Variants in SLC39A11 observed in about 807,000 individuals in gnomAD.
SLC39A11 encodes solute carrier family 39 member 11, also known as zinc transporter ZIP11.
Under a neutral mutation model 36.1 loss-of-function variants are expected in SLC39A11, and 33 were observed. That is an observed-to-expected ratio of 0.91 (90% CI 0.69 to 1.22). The LOEUF (loss-of-function observed/expected upper bound fraction) is 1.22. Among genes scored for constraint, SLC39A11 ranks in the 50% most tolerant of loss-of-function variants. The pLI is 0.00. For missense variants in SLC39A11, 432 were observed against 430.3 expected, an observed-to-expected ratio of 1.00 and a Z score of -0.03; for synonymous variants, 166 against 170.3, an observed-to-expected ratio of 0.97 and a Z score of 0.20.
chr17:73,083,350 G>A (rs1267587309), intron 3 of SLC39A11, among the ~76,000 whole-genome samples: 1 of 152,138 alleles, frequency 6.6e-6, no homozygotes, highest in African/African-American at 2.4e-5. Flanking sequence ...CAGTGTTTTT[G>A]ACGGAACAGT....
chr17:72,947,577 G>A (rs1050751218), intron 5 of SLC39A11, 175 bp downstream of exon 5: 1 of 850,742 alleles, frequency 1.2e-6, no homozygotes, highest in Non-Finnish European at 1.9e-6. Flanking sequence ...AAATGAAGGT[G>A]CTGGGCCAGA....
At chr17:72,714,888 T>G (rs910552662) in intron 7 of SLC39A11, among the ~76,000 whole-genome samples, 1 of 152,234 alleles carries the variant, frequency 6.6e-6, no homozygotes, top group Non-Finnish European at 1.5e-5. Flanking sequence ...AAGCTAATAG[T>G]GAGAGGTTCA....
chr17:72,990,870 T>C (rs935707190), intron 4 of SLC39A11, among the ~76,000 whole-genome samples: 3 of 152,230 alleles, frequency 2.0e-5, no homozygotes, highest in Non-Finnish European at 4.4e-5. Flanking sequence ...CCATTACTGT[T>C]ATACAAAGTA....
chr17:73,084,247 G>A (rs909286237), intron 3 of SLC39A11, among the ~76,000 whole-genome samples: 5 of 151,934 alleles, frequency 3.3e-5, no homozygotes, highest in African/African-American at 1.2e-4. Flanking sequence ...AGACCAGCCT[G>A]GGCAACATGG....
chr17:72,736,627 A>G, intron 7 of SLC39A11, 23 bp downstream of exon 7: 1 of 1,610,070 alleles, frequency 6.2e-7, no homozygotes, highest in Admixed American at 1.7e-5. Context: ...ACCATGCTCT[A>G]GGGTCCCAGG....
intron 6 of SLC39A11, among the ~76,000 whole-genome samples, chr17:72,754,045 TACAC>T (rs1383818868): frequency 0.03 from 1,597 of 52,492 alleles, 14 homozygotes; most frequent in African/African-American, 0.043. Flanking sequence ...TATATATATA[TACAC>T]ATACACACAC....
At chr17:72,767,539 A>T (rs867654577) in intron 6 of SLC39A11, among the ~76,000 whole-genome samples, 1 of 152,226 alleles carries the variant, frequency 6.6e-6, no homozygotes, top group Non-Finnish European at 1.5e-5. Flanking sequence ...ACTAAGTGCC[A>T]TGAAGAAAAA....
chr17:73,037,516 A>T (rs996983098), intron 3 of SLC39A11, among the ~76,000 whole-genome samples: 2 of 152,250 alleles, frequency 1.3e-5, no homozygotes, highest in African/African-American at 4.8e-5. Context: ...ACTTCAGGGA[A>T]TACTTTTGCC....
At chr17:73,078,746 C>T (rs564272413) in intron 3 of SLC39A11, among the ~76,000 whole-genome samples, 126 of 152,154 alleles carry the variant, frequency 8.3e-4, no homozygotes, top group African/African-American at 2.7e-3. Context: ...ATCCACTTGC[C>T]TCAGCCTCCC....
Position 73,074,047 on chromosome 17 carries a change from GA to G in SLC39A11, c.147+10760del, listed in dbSNP as rs759340139. Among the ~76,000 whole-genome samples, 904 of 132,028 alleles carry G rather than the reference GA, an allele frequency of 6.8e-3. 2 individuals carry two copies. The highest frequency in any genetic ancestry group is 0.019 in the African/African-American group (693 of 35,988). The allele number at this position is 132,028 out of a possible 152,430, so 86.6% of individuals were successfully genotyped here. On this transcript the variant is annotated intron_variant, in intron 3 of 9. Coordinates refer to ENST00000255559, the MANE Select transcript of SLC39A11 (RefSeq NM_139177.4). ...TCCCTACCTCTCAGGCAGTAAGATG[GA>G]AAAAAAAAAAAAGGTAGCAGCAATT... is the stretch of plus-strand genomic sequence containing the variant.
chr17:72,904,561 C>T (rs1176316451), intron 5 of SLC39A11, among the ~76,000 whole-genome samples: 3 of 152,122 alleles, frequency 2.0e-5, no homozygotes, highest in Admixed American at 2.0e-4. Context: ...AGGGAGGGCT[C>T]GCCTCGCAGC....
intron 6 of SLC39A11, 129 bp from the exon 7 acceptor site, chr17:72,736,848 C>A (rs1477852581): frequency 3.8e-6 from 3 of 790,952 alleles, no homozygotes; most frequent in Non-Finnish European, 6.5e-6. Context: ...GTAACAGCAG[C>A]TTAAACCCAG....
intron 4 of SLC39A11, among the ~76,000 whole-genome samples, chr17:72,979,701 A>G (rs1215139159): frequency 6.6e-6 from 1 of 152,122 alleles, no homozygotes; most frequent in African/African-American, 2.4e-5. Flanking sequence ...CAGAGCTCAC[A>G]CTAACCCACC....
At chr17:72,812,907 G>T (rs2077475805) in intron 6 of SLC39A11, among the ~76,000 whole-genome samples, 1 of 150,710 alleles carries the variant, frequency 6.6e-6, no homozygotes, top group African/African-American at 2.5e-5. Flanking sequence ...GAAATTCCCT[G>T]CCTCCATCCT....
intron 4 of SLC39A11, among the ~76,000 whole-genome samples, chr17:73,015,575 G>A (rs1311137585): frequency 2.0e-5 from 3 of 151,946 alleles, no homozygotes; most frequent in East Asian, 3.9e-4. Flanking sequence ...ACAGGGAGGC[G>A]ATTATTTTTA....
chr17:72,988,778 G>A (rs1378584825), intron 4 of SLC39A11, among the ~76,000 whole-genome samples: 2 of 151,970 alleles, frequency 1.3e-5, no homozygotes, highest in African/African-American at 2.4e-5. Flanking sequence ...GCATGATCTC[G>A]GATCACTGCA....
chr17:73,030,055 G>C (rs2101725), intron 4 of SLC39A11, among the ~76,000 whole-genome samples: 9,458 of 152,238 alleles, frequency 0.062, 380 homozygotes, highest in East Asian at 0.16. Flanking sequence ...GCATTAGTTA[G>C]ATTCTCTTAA....
chr17:72,828,894 G>T (rs183257656), intron 6 of SLC39A11, among the ~76,000 whole-genome samples: 2 of 152,288 alleles, frequency 1.3e-5, no homozygotes, highest in African/African-American at 4.8e-5. Context: ...GTCAAGCATC[G>T]GAGAGTAGTG....
At chr17:72,684,971 C>T (rs1009753673) in intron 7 of SLC39A11, among the ~76,000 whole-genome samples, 1 of 152,166 alleles carries the variant, frequency 6.6e-6, no homozygotes, top group Non-Finnish European at 1.5e-5. Flanking sequence ...CTTTTGGTTC[C>T]GTCTGATCCC....
Sources: gnomAD v4.1 joint callset for allele counts (sites outside exome capture counted in the v4.1 genomes callset) on GRCh38, gnomAD v4.1.1 for gene constraint, MANE v1.5 for transcripts, NCBI Gene and HGNC (gene_info 2026-07-23, HGNC 2026-07-21) for gene names.